ZNF577: variants seen among roughly 807,000 people sequenced by gnomAD.
ZNF577 encodes zinc finger protein 577.
In ZNF577, 14 loss-of-function variants were observed where a neutral mutation model predicts 13.9. That is an observed-to-expected ratio of 1.00 (90% CI 0.66 to 1.57). ZNF577 has a LOEUF of 1.57. Among genes scored for constraint, ZNF577 ranks in the 40% most tolerant of loss-of-function variants. The pLI is 0.00. For synonymous variants in ZNF577, 203 were observed against 202.9 expected (o/e 1.00, Z 0.00); for missense variants, 555 against 579.2 (o/e 0.96, Z 0.43).
intron 9 of ZNF577, among the ~76,000 whole-genome samples, chr19:51,832,236 G>C (rs1038472754): frequency 2.0e-5 from 3 of 152,152 alleles, no homozygotes; most frequent in African/African-American, 4.8e-5. Flanking sequence ...AGCAGAGTTT[G>C]TTAAGCCTGA....
At chr19:51,838,869 T>C (rs1568437231) in intron 9 of ZNF577, among the ~76,000 whole-genome samples, 1 of 152,004 alleles carries the variant, frequency 6.6e-6, no homozygotes, top group Non-Finnish European at 1.5e-5. Context: ...GAGATCTTTA[T>C]TTAAAATCCT....
At chr19:51,852,992 C>G (rs2084387059) in intron 5 of ZNF577, among the ~76,000 whole-genome samples, 1 of 149,482 alleles carries the variant, frequency 6.7e-6, no homozygotes, top group African/African-American at 2.5e-5. Flanking sequence ...AGTGCAGTGG[C>G]ACAATCTTGG....
At chr19:51,881,712 A>G (rs2084864485) in intron 1 of ZNF577, among the ~76,000 whole-genome samples, 1 of 152,184 alleles carries the variant, frequency 6.6e-6, no homozygotes, top group Non-Finnish European at 1.5e-5. Flanking sequence ...ACATAGTCAC[A>G]GCTACACAAA....
At chr19:51,851,866 G>T (rs563559403) in intron 5 of ZNF577, among the ~76,000 whole-genome samples, 1 of 152,240 alleles carries the variant, frequency 6.6e-6, no homozygotes, top group East Asian at 1.9e-4. Flanking sequence ...TAAACACAAT[G>T]ATGTCTTTAG....
intron 4 of ZNF577, chr19:51,877,617 C>CA (rs889864444): frequency 5.5e-6 from 2 of 363,284 alleles, no homozygotes; most frequent in African/African-American, 4.2e-5. Flanking sequence ...CAGAAAATAA[C>CA]AATTGTTGGC....
At chr19:51,823,660 G>A in intron 9 of ZNF577, 1 of 1,101,036 alleles carries the variant, frequency 9.1e-7, no homozygotes. Flanking sequence ...AGGAGGAGGA[G>A]CTACAGTGGA....
Position 51,880,391 on chromosome 19 carries a change from TGTTATTTCA to T in ZNF577, c.-18_-10del. On this transcript the variant is annotated splice_region_variant and 5_prime_UTR_variant, in exon 3 of 6. It removes the in-frame stop codon of an upstream open reading frame in the 5' UTR. Coordinates refer to ENST00000638348, the MANE Select transcript of ZNF577 (RefSeq NM_001370449.1). ...ATCGTGGCATTTTTCATGTGTTTCCTGTTATTTCAGCTGCCAAAAAAAAGGAGACACAGT... is the reference window on the plus strand; with the variant it reads ...ATCGTGGCATTTTTCATGTGTTTCCTGCTGCCAAAAAAAAGGAGACACAGT... 1 of 1,614,108 alleles carries T rather than the reference TGTTATTTCA, an allele frequency of 6.2e-7. No homozygotes were observed. The highest frequency in any genetic ancestry group is 8.5e-7 in the Non-Finnish European group (1 of 1,180,014).
Position 51,870,111 on chromosome 19 carries a change from T to C in ZNF577, c.*2421A>G, listed in dbSNP as rs1283824434. On this transcript the variant is annotated 3_prime_UTR_variant, in exon 6 of 6. Transcript: ENST00000638348. ...GAGCTTCATCTGCCCCTTGTTCAGGTGGGGGGAACCCATCAGTAAATTATA... is the reference window on the plus strand; with the variant it reads ...GAGCTTCATCTGCCCCTTGTTCAGGCGGGGGGAACCCATCAGTAAATTATA... Among the ~76,000 whole-genome samples the C allele has an allele frequency of 6.6e-6, 1 of 152,196 alleles. No individual in the cohort carries two copies. Among genetic ancestry groups the C allele is most frequent in the African/African-American group, 2.4e-5 (1 of 41,444 alleles).
intron 9 of ZNF577, among the ~76,000 whole-genome samples, chr19:51,819,155 A>G (rs929817314): frequency 6.6e-6 from 1 of 152,240 alleles, no homozygotes; most frequent in African/African-American, 2.4e-5. Context: ...CCAAATAGAT[A>G]CAGAATATTG....
chr19:51,816,491 ACCAG>A (rs2084138093), intron 9 of ZNF577, among the ~76,000 whole-genome samples: 1 of 152,202 alleles, frequency 6.6e-6, no homozygotes, highest in Non-Finnish European at 1.5e-5. Context: ...CAAGTGATCC[ACCAG>A]CCTCAGACTC....
At chr19:51,821,611 G>C (rs77872826) in intron 9 of ZNF577, among the ~76,000 whole-genome samples, 4,324 of 152,168 alleles carry the variant, frequency 0.028, 162 homozygotes, top group African/African-American at 0.087. Flanking sequence ...AAGAGAGAAA[G>C]GGAAAGGAGG....
chr19:51,865,393 G>A (rs1194850769), downstream of ZNF577, among the ~76,000 whole-genome samples: 1 of 151,902 alleles, frequency 6.6e-6, no homozygotes, highest in Admixed American at 6.5e-5. Flanking sequence ...CACCATGCCC[G>A]CGCCTTCCCA....
intron 1 of ZNF577, 55 bp from the exon 2 acceptor site, chr19:51,880,932 G>C (rs969791700): frequency 1.3e-5 from 2 of 153,412 alleles, no homozygotes; most frequent in Admixed American, 1.3e-4. Context: ...AGGATCACAA[G>C]TCTCCAATTG....
Position 51,878,401 on chromosome 19 carries a change from G to A in ZNF577, c.175C>T (p.Leu59=). ...KEVMLENYIN[L]VSIGYRGTKP... ...ATGCTGTCCTTACCTATTGATACTA[G>A]GTTGATGTAGTTCTCCAACATTACT... Residue 59 remains leucine (L), a synonymous_variant, in exon 4 of 6, where the codon CTA becomes TTA. Coordinates refer to ENST00000638348, the MANE Select transcript of ZNF577 (RefSeq NM_001370449.1). The A allele has an allele frequency of 6.2e-7, 1 of 1,613,964 alleles. No individual in the cohort carries two copies. The highest frequency in any genetic ancestry group is 8.5e-7 in the Non-Finnish European group (1 of 1,179,928).
At chr19:51,847,363 G>A (rs1374210125) in intron 5 of ZNF577, among the ~76,000 whole-genome samples, 3 of 152,088 alleles carry the variant, frequency 2.0e-5, no homozygotes, top group African/African-American at 7.2e-5. Context: ...GTCGATGTCC[G>A]TGTTGCTCTC....
intron 5 of ZNF577, among the ~76,000 whole-genome samples, chr19:51,874,616 G>T (rs1281852212): frequency 1.3e-5 from 2 of 152,188 alleles, no homozygotes; most frequent in African/African-American, 4.8e-5. Context: ...GACTTTGTTA[G>T]AAACTGGAAT....
At chr19:51,844,047 AC>A (rs1483156033) in intron 6 of ZNF577, among the ~76,000 whole-genome samples, 1 of 139,010 alleles carries the variant, frequency 7.2e-6, no homozygotes, top group African/African-American at 2.8e-5. Context: ...GATAGCCACT[AC>A]ACTTTTTTTT....
At chr19:51,874,130 C>T (rs2084716135) in intron 5 of ZNF577, among the ~76,000 whole-genome samples, 1 of 152,138 alleles carries the variant, frequency 6.6e-6, no homozygotes, top group African/African-American at 2.4e-5. Flanking sequence ...CCAAATCGGA[C>T]CTTGCAAATG....
chr19:51,842,406 G>A (rs529664499), intron 8 of ZNF577, among the ~76,000 whole-genome samples: 1 of 152,190 alleles, frequency 6.6e-6, no homozygotes, highest in East Asian at 1.9e-4. Flanking sequence ...AAGGCCTTGT[G>A]GGAGTGGGTT....
Sources: gnomAD v4.1 joint callset for allele counts (sites outside exome capture counted in the v4.1 genomes callset) on GRCh38, gnomAD v4.1.1 for gene constraint, MANE v1.5 for transcripts, NCBI Gene and HGNC (gene_info 2026-07-23, HGNC 2026-07-21) for gene names.